Variants in ARGFX observed in about 807,000 individuals in gnomAD.
ARGFX encodes arginine-fifty homeobox.
ARGFX carries 10 observed loss-of-function variants against 8.0 expected under a neutral mutation model. The ratio of observed to expected loss-of-function variants is 1.25; its 90% confidence interval spans 0.77 to 2.12. The LOEUF (loss-of-function observed/expected upper bound fraction) is 2.12. Among genes scored for constraint, ARGFX ranks in the 30% most tolerant of loss-of-function variants. The pLI is 0.00. For synonymous variants in ARGFX, 116 were observed against 117.8 expected, an observed-to-expected ratio of 0.98 and a Z score of 0.10; for missense variants, 282 against 324.3, an observed-to-expected ratio of 0.87 and a Z score of 1.00.
chr3:121,573,665 A>G (rs1047106101), intron 2 of ARGFX, among the ~76,000 whole-genome samples: 1 of 151,860 alleles, frequency 6.6e-6, no homozygotes, highest in Non-Finnish European at 1.5e-5. Flanking sequence ...CCTGACCAAC[A>G]TGGAGAAACC....
intron 3 of ARGFX, among the ~76,000 whole-genome samples, chr3:121,579,202 T>C (rs2048762803): frequency 6.6e-6 from 1 of 152,200 alleles, no homozygotes; most frequent in Non-Finnish European, 1.5e-5. Flanking sequence ...TAGTTGTCCA[T>C]ATATGATGTT....
At position 121,586,679 on chromosome 3, in the gene ARGFX, T is replaced by A; in HGVS notation, c.*79T>A. On this transcript the variant is annotated 3_prime_UTR_variant, in exon 5 of 5. Transcript: ENST00000334384. ...TACATGACTGTTTTTTTCCTTTGTC[T>A]CATTTTAACCCAACATCTGGGTCTG... 10 of 1,238,202 alleles carry A rather than the reference T, an allele frequency of 8.1e-6. No homozygotes were observed. In the South Asian group the frequency reaches 1.5e-4, roughly 19 times the overall value. 76.7% of individuals were successfully genotyped at this position (1,238,202 alleles called of 1,614,324 possible). A position where few individuals can be genotyped will look rare whatever the true frequency, so the allele number is the denominator to read the frequency against.
intron 3 of ARGFX, among the ~76,000 whole-genome samples, chr3:121,577,263 T>C (rs866155287): frequency 2.1e-5 from 1 of 48,716 alleles, no homozygotes; most frequent in Non-Finnish European, 5.0e-5. Flanking sequence ...ATATATATTT[T>C]TTTTTTTTTA....
At chr3:121,578,462 G>T (rs1172355748) in intron 3 of ARGFX, among the ~76,000 whole-genome samples, 2 of 152,072 alleles carry the variant, frequency 1.3e-5, no homozygotes, top group Non-Finnish European at 2.9e-5. Context: ...ACTGAGGTGG[G>T]CTGGGTGTGG....
intron 3 of ARGFX, among the ~76,000 whole-genome samples, chr3:121,577,259 A>ATATATATATATATATATATATATTTTTT (rs1403064031): frequency 1.7e-5 from 1 of 59,624 alleles, no homozygotes; most frequent in South Asian, 7.0e-4. Context: ...ATATATATAT[A>ATATATATATATATATATATATATTTTTT]TTTTTTTTTT....
At chr3:121,583,230 G>A (rs985621066) in intron 3 of ARGFX, among the ~76,000 whole-genome samples, 62 of 148,536 alleles carry the variant, frequency 4.2e-4, no homozygotes, top group African/African-American at 6.7e-4. Context: ...GGGTTTTGCC[G>A]TGTTGGCCAG....
At chr3:121,569,292 GAT>G (rs1214926606) in intron 1 of ARGFX, among the ~76,000 whole-genome samples, 26 of 151,662 alleles carry the variant, frequency 1.7e-4, no homozygotes, top group Admixed American at 1.7e-3. Context: ...AATAATTGTG[GAT>G]ATTCTTTGAA....
intron 3 of ARGFX, among the ~76,000 whole-genome samples, chr3:121,580,147 G>C: frequency 6.6e-6 from 1 of 150,964 alleles, no homozygotes; most frequent in East Asian, 1.9e-4. Flanking sequence ...CCATGTTTTT[G>C]TAGAGACGGG....
At chr3:121,579,052 G>T (rs909359509) in intron 3 of ARGFX, among the ~76,000 whole-genome samples, 5 of 152,140 alleles carry the variant, frequency 3.3e-5, no homozygotes, top group African/African-American at 1.2e-4. Flanking sequence ...CTTTTCCACA[G>T]TGCAACTTGC....
At chr3:121,582,229 A>G (rs974158158) in intron 3 of ARGFX, among the ~76,000 whole-genome samples, 1 of 152,162 alleles carries the variant, frequency 6.6e-6, no homozygotes, top group African/African-American at 2.4e-5. Context: ...TATTATATAA[A>G]TAAGTTTCCT....
chr3:121,570,962 A>G, intron 2 of ARGFX, 146 bp downstream of exon 2: 1 of 554,830 alleles, frequency 1.8e-6, no homozygotes. Context: ...TAAAAGGAGA[A>G]ATACATTTCA....
Position 121,570,615 on chromosome 3 carries a change from C to T in ARGFX, c.-12-87C>T, listed in dbSNP as rs751399284. On this transcript the variant is annotated intron_variant, in intron 1 of 4. Transcript: ENST00000334384. ...TTAACCTCACTTGCCAGAGGTCATA[C>T]ATCAAGCCCAGGCTCCTTGAAAACA... The T allele has an allele frequency of 1.8e-5, 14 of 779,222 alleles. No individual in the cohort carries two copies. In the East Asian group the frequency reaches 3.7e-4, roughly 21 times the overall value. 48.3% of individuals were successfully genotyped at this position (779,222 alleles called of 1,614,324 possible).
chr3:121,569,088 C>T (rs961076751), intron 1 of ARGFX, among the ~76,000 whole-genome samples: 1 of 152,048 alleles, frequency 6.6e-6, no homozygotes, highest in African/African-American at 2.4e-5. Flanking sequence ...ATATTTTCCA[C>T]ACACAAAAAA....
rs1472625776 is a variant in ARGFX, at chr3:121,588,371, G to A, written c.*1771G>A. On this transcript the variant is annotated 3_prime_UTR_variant, in exon 5 of 5. Coordinates refer to ENST00000334384, the MANE Select transcript of ARGFX (RefSeq NM_001012659.2). ...CACACACCTGTAATCCCAGCTACTC[G>A]GGAGGCTGAGGAAGGAGAATTGCTT... 3.3e-5 allele frequency among the ~76,000 whole-genome samples: 5 copies of A among 149,708 alleles called. No individual in the cohort carries two copies. The East Asian group carries it at 5.9e-4, about 18-fold the overall frequency.
intron 4 of ARGFX, 134 bp from the exon 5 acceptor site, chr3:121,585,888 C>A: frequency 1.2e-6 from 1 of 835,348 alleles, no homozygotes; most frequent in Non-Finnish European, 1.9e-6. Context: ...CCCATCTCTG[C>A]TTTTGCAGAG....
At chr3:121,577,411 AC>A (rs985310313) in intron 3 of ARGFX, among the ~76,000 whole-genome samples, 4 of 151,076 alleles carry the variant, frequency 2.6e-5, no homozygotes, top group African/African-American at 9.7e-5. Flanking sequence ...GTGCCACCAC[AC>A]CAGCTAATTT....
intron 4 of ARGFX, 142 bp downstream of exon 4, chr3:121,585,207 C>T: frequency 1.0e-6 from 1 of 996,532 alleles, no homozygotes; most frequent in African/African-American, 1.6e-5. Flanking sequence ...AAACTGGGGA[C>T]ATCGCAAATA....
At chr3:121,574,954 T>G (rs75103219) in intron 2 of ARGFX, among the ~76,000 whole-genome samples, 7 of 152,208 alleles carry the variant, frequency 4.6e-5, no homozygotes, top group Non-Finnish European at 8.8e-5. Flanking sequence ...CAAATGTATG[T>G]ACAAATTAGT....
intron 3 of ARGFX, among the ~76,000 whole-genome samples, chr3:121,577,246 T>TATATATATATATATATATCTACATGTAC (rs1576442197): frequency 2.0e-5 from 1 of 49,114 alleles, no homozygotes; most frequent in East Asian, 7.4e-4. Context: ...TATATATATA[T>TATATATATATATATATATCTACATGTAC]ATATATATAT....
Sources: gnomAD v4.1 joint callset for allele counts (sites outside exome capture counted in the v4.1 genomes callset) on GRCh38, gnomAD v4.1.1 for gene constraint, MANE v1.5 for transcripts, NCBI Gene and HGNC (gene_info 2026-07-23, HGNC 2026-07-21) for gene names.